POLA1: variants seen among roughly 807,000 people sequenced by gnomAD.
The protein encoded by POLA1 is DNA polymerase alpha 1, catalytic subunit.
In POLA1, 15 loss-of-function variants were observed where a neutral mutation model predicts 124.0. The observed-to-expected ratio is 0.12, with a 90% CI of 0.08 to 0.19. The LOEUF (loss-of-function observed/expected upper bound fraction) is 0.19. Among genes scored for constraint, POLA1 ranks in the 10% least tolerant of loss-of-function variants. The probability of loss-of-function intolerance (pLI) is 1.00; values close to 1 mark genes in which losing one functional copy is unlikely to be tolerated. For synonymous variants in POLA1, 408 were observed against 389.4 expected, an observed-to-expected ratio of 1.05 and a Z score of -0.56; for missense variants, 886 against 1,103.4, an observed-to-expected ratio of 0.80 and a Z score of 2.79.
chrX:24,785,697 T>C (rs1256930118), intron 26 of POLA1, among the ~76,000 whole-genome samples: 1 of 112,176 alleles, frequency 8.9e-6, no homozygotes, highest in African/African-American at 3.2e-5. Context: ...AAAGATTATA[T>C]ATGAAAGGTG....
chrX:24,991,948 C>T (rs1181048938), intron 36 of POLA1, among the ~76,000 whole-genome samples: 1 of 111,992 alleles, frequency 8.9e-6, no homozygotes, highest in Non-Finnish European at 1.9e-5. Flanking sequence ...GTGTGCCTGG[C>T]ACTGTGCCTT....
chrX:24,738,733 C>T (rs1931455525), intron 19 of POLA1, among the ~76,000 whole-genome samples: 1 of 111,679 alleles, frequency 9.0e-6, no homozygotes, highest in Non-Finnish European at 1.9e-5. Context: ...GCACCTTCTT[C>T]CTAAACCTGA....
chrX:24,854,107 G>A (rs957920313), intron 34 of POLA1, among the ~76,000 whole-genome samples: 8 of 111,132 alleles, frequency 7.2e-5, no homozygotes, highest in Admixed American at 5.7e-4. Context: ...GTGCAGTGGC[G>A]CGATCTTGGC....
At chrX:24,889,207 G>A (rs1044066069) in intron 35 of POLA1, among the ~76,000 whole-genome samples, 1 of 111,172 alleles carries the variant, frequency 9.0e-6, no homozygotes, top group Admixed American at 9.5e-5. Flanking sequence ...ACACACCTGA[G>A]GTGTAAGACA....
intron 26 of POLA1, chrX:24,775,114 C>A: frequency 9.0e-6 from 1 of 110,784 alleles, no homozygotes; most frequent in Non-Finnish European, 1.9e-5. Flanking sequence ...CCATTATTAG[C>A]AAATACCTCA....
chrX:24,797,055 G>T (rs992184467), intron 26 of POLA1, among the ~76,000 whole-genome samples: 1 of 111,635 alleles, frequency 9.0e-6, no homozygotes, highest in African/African-American at 3.3e-5. Flanking sequence ...CAATTATGCT[G>T]TTCAGGCCTC....
In POLA1 at chrX:24,748,312, A is replaced by T. The variant is rs753250305; in HGVS notation, c.2693A>T (p.Asp898Val). The change falls in exon 25 of 37, where the codon GAT becomes GTT. Residue 898 changes from aspartate (D) to valine (V), a missense_variant and splice_region_variant. Physicochemically the swap from Asp to Val is radical, Grantham distance 152 (BLOSUM62 -3). Transcript: ENST00000379068. ...VASEAQKVTE[D>V]GEQEQIPELP... ...TGAAATTTGTTGTGTGTTTATCAGG[A>T]TGGAGAACAAGAACAGATCCCTGAG... The T allele has an allele frequency of 1.4e-5, 17 of 1,180,756 alleles. No homozygotes were observed. Among genetic ancestry groups the T allele is most frequent in the African/African-American group, 1.8e-5 (1 of 56,023 alleles).
At chrX:24,932,503 A>G (rs2047797659) in intron 36 of POLA1, among the ~76,000 whole-genome samples, 1 of 111,923 alleles carries the variant, frequency 8.9e-6, no homozygotes, top group Non-Finnish European at 1.9e-5. Context: ...CTAAAAGGGA[A>G]AAGTATTGAC....
At chrX:24,746,253 C>T (rs187317883) in intron 24 of POLA1, among the ~76,000 whole-genome samples, 1 of 111,342 alleles carries the variant, frequency 9.0e-6, no homozygotes. Context: ...TCACAGGGCA[C>T]GGATCTGGCT....
intron 26 of POLA1, among the ~76,000 whole-genome samples, chrX:24,768,565 A>G (rs752700219): frequency 1.8e-5 from 2 of 112,332 alleles, no homozygotes; most frequent in Non-Finnish European, 3.8e-5. Flanking sequence ...TCTTTGCTTG[A>G]TGAGCAGAAG....
At chrX:24,757,178 C>T (rs1932648104) in intron 26 of POLA1, among the ~76,000 whole-genome samples, 1 of 110,911 alleles carries the variant, frequency 9.0e-6, no homozygotes, top group Non-Finnish European at 1.9e-5. Context: ...TTTTAAATTT[C>T]GTTTCTATTG....
intron 34 of POLA1, among the ~76,000 whole-genome samples, chrX:24,844,861 A>G (rs2046456183): frequency 8.9e-6 from 1 of 111,811 alleles, no homozygotes; most frequent in African/African-American, 3.3e-5. Context: ...CAGCACATGA[A>G]AATTTAGGCC....
intron 35 of POLA1, among the ~76,000 whole-genome samples, chrX:24,925,791 G>T (rs772916756): frequency 9.0e-6 from 1 of 111,452 alleles, no homozygotes; most frequent in Non-Finnish European, 1.9e-5. Context: ...TTGCTCTGTT[G>T]CCCAGGCTGG....
chrX:24,763,534 G>C (rs193030920), intron 26 of POLA1, among the ~76,000 whole-genome samples: 1 of 111,259 alleles, frequency 9.0e-6, no homozygotes, highest in African/African-American at 3.3e-5. Context: ...GATTACTTTG[G>C]GAGAGAGGAG....
chrX:24,952,634 ATAAAATT>A (rs1412345038), intron 36 of POLA1, among the ~76,000 whole-genome samples: 2 of 112,652 alleles, frequency 1.8e-5, no homozygotes, highest in African/African-American at 6.4e-5. Flanking sequence ...TCTCTGGAGA[ATAAAATT>A]AATAAGTACC....
chrX:24,743,353 T>A (rs1274084266), intron 23 of POLA1, 24 bp downstream of exon 23: 1 of 798,431 alleles, frequency 1.3e-6, no homozygotes. Flanking sequence ...GTGAATTGGT[T>A]TTCTCCCAGT....
intron 36 of POLA1, among the ~76,000 whole-genome samples, chrX:24,957,939 T>A (rs183076448): frequency 1.8e-5 from 2 of 110,655 alleles, no homozygotes; most frequent in East Asian, 5.7e-4. Context: ...GAATTCCAAA[T>A]ATAGTGGAGA....
At chrX:24,855,927 T>G (rs1488182061) in intron 34 of POLA1, among the ~76,000 whole-genome samples, 1 of 112,220 alleles carries the variant, frequency 8.9e-6, no homozygotes, top group African/African-American at 3.2e-5. Flanking sequence ...TTCAAACTTG[T>G]GTTCTTCAAG....
At chrX:24,837,904 C>G (rs2046362930) in intron 32 of POLA1, among the ~76,000 whole-genome samples, 2 of 112,011 alleles carry the variant, frequency 1.8e-5, no homozygotes, top group Non-Finnish European at 3.8e-5. Context: ...TTTGCTGTTG[C>G]ACTAATAGAG....
Sources: gnomAD v4.1 joint callset for allele counts (sites outside exome capture counted in the v4.1 genomes callset) on GRCh38, gnomAD v4.1.1 for gene constraint, MANE v1.5 for transcripts, NCBI Gene and HGNC (gene_info 2026-07-23, HGNC 2026-07-21) for gene names.